The following HAVCR1 variants were observed in gnomAD, a reference collection of about 807,000 sequenced individuals.
The protein encoded by HAVCR1 is hepatitis A virus cellular receptor 1.
Under a neutral mutation model 32.0 loss-of-function variants are expected in HAVCR1, and 34 were observed. The ratio of observed to expected loss-of-function variants is 1.06; its 90% confidence interval spans 0.81 to 1.42. The LOEUF (loss-of-function observed/expected upper bound fraction) is 1.42. HAVCR1 is among the 40% of genes most tolerant of loss of function. The probability of loss-of-function intolerance (pLI) is 0.00; values close to 1 mark genes in which losing one functional copy is unlikely to be tolerated. For synonymous variants in HAVCR1, 178 were observed against 170.3 expected, an observed-to-expected ratio of 1.05 and a Z score of -0.35; for missense variants, 420 against 442.3, an observed-to-expected ratio of 0.95 and a Z score of 0.45.
chr5:157,049,176 A>ATTC, intron 4 of HAVCR1, 31 bp from the exon 5 acceptor site: 1 of 1,348,812 alleles, frequency 7.4e-7, no homozygotes, highest in Non-Finnish European at 1.1e-6. Flanking sequence ...GAATTGTTCC[A>ATTC]TTTGTGGAGG....
rs1754977513 is a variant in HAVCR1, at chr5:157,042,609, A to G, written c.837+18T>C. On this transcript the variant is annotated intron_variant, in intron 6 of 8. Transcript: ENST00000523175. Reference sequence around the variant, plus strand: ...TACAAGTGAATCTGGCTAATCAAATAGGGCGGAATATGCTTACAGTTTGAT... The same window carrying G: ...TACAAGTGAATCTGGCTAATCAAATGGGGCGGAATATGCTTACAGTTTGAT... 1.3e-6 allele frequency: 2 copies of G among 1,513,850 alleles called. No homozygotes were observed. Among genetic ancestry groups the G allele is most frequent in the Non-Finnish European group, 1.8e-6 (2 of 1,092,812 alleles). The allele number at this position is 1,513,850 out of a possible 1,614,324, so 93.8% of individuals were successfully genotyped here.
At chr5:157,065,643 T>G in the HAVCR1 span, among the ~76,000 whole-genome samples, 1 of 152,090 alleles carries the variant, frequency 6.6e-6, no homozygotes, top group Non-Finnish European at 1.5e-5. Context: ...TCACTTGAGG[T>G]CAGGAGTTCC....
At chr5:157,032,961 T>G (rs551458871) in intron 7 of HAVCR1, 74 bp from the exon 8 acceptor site, 2 of 914,414 alleles carry the variant, frequency 2.2e-6, no homozygotes, top group Admixed American at 4.8e-5. Context: ...AATCTTTTTT[T>G]CAATCAAGTG....
At chr5:157,055,591 C>A in intron 2 of HAVCR1, 58 bp from the exon 3 acceptor site, 1 of 1,048,390 alleles carries the variant, frequency 9.5e-7, no homozygotes, top group Non-Finnish European at 1.4e-6. Flanking sequence ...CTTGGCTGGG[C>A]ACAATGGCTC....
At chr5:157,034,265 T>G (rs6896306) in intron 7 of HAVCR1, among the ~76,000 whole-genome samples, 33,336 of 151,484 alleles carry the variant, frequency 0.22, 3,860 homozygotes, top group Middle Eastern at 0.36. Flanking sequence ...GGAAAACATG[T>G]GAGCAAAGGT....
At chr5:157,045,488 C>T (rs1755339731) in intron 5 of HAVCR1, among the ~76,000 whole-genome samples, 2 of 152,196 alleles carry the variant, frequency 1.3e-5, no homozygotes, top group South Asian at 2.1e-4. Flanking sequence ...ATATCATATA[C>T]TCTAATCATT....
At chr5:157,069,375 G>A in the HAVCR1 span, among the ~76,000 whole-genome samples, 6 of 152,232 alleles carry the variant, frequency 3.9e-5, no homozygotes, top group African/African-American at 9.6e-5. Flanking sequence ...GTTAGAAGGC[G>A]GTTTTCCAGC....
chr5:157,051,308 A>G (rs1008318699), intron 4 of HAVCR1, among the ~76,000 whole-genome samples: 3 of 152,212 alleles, frequency 2.0e-5, no homozygotes, highest in Non-Finnish European at 2.9e-5. Flanking sequence ...AATAAATTAA[A>G]GGACCTTTGA....
intron 6 of HAVCR1, among the ~76,000 whole-genome samples, chr5:157,040,381 C>G (rs968070988): frequency 5.9e-5 from 9 of 152,216 alleles, no homozygotes; most frequent in Middle Eastern, 3.4e-3. Flanking sequence ...AGCCACACGT[C>G]AACACATTGA....
chr5:157,034,345 G>T (rs528347931), intron 7 of HAVCR1, among the ~76,000 whole-genome samples: 3 of 151,950 alleles, frequency 2.0e-5, no homozygotes, highest in South Asian at 2.1e-4. Context: ...GTTTATGTTT[G>T]ACTTTACACA....
chr5:157,059,866 G>A (rs189384079), upstream of HAVCR1, among the ~76,000 whole-genome samples: 10 of 152,192 alleles, frequency 6.6e-5, no homozygotes, highest in East Asian at 1.9e-4. Context: ...GTACCTGACC[G>A]TAGTCCCAGC....
At chr5:157,050,618 C>T (rs1387372926) in intron 4 of HAVCR1, among the ~76,000 whole-genome samples, 1 of 152,080 alleles carries the variant, frequency 6.6e-6, no homozygotes, top group African/African-American at 2.4e-5. Flanking sequence ...CAACTTTCTC[C>T]CATATCTCGG....
chr5:157,049,039 T>G lies in HAVCR1; in HGVS notation c.780A>C (p.Thr260=), dbSNP rs369282998. 2 of 1,537,412 alleles carry G rather than the reference T, an allele frequency of 1.3e-6. No homozygotes were observed. Among genetic ancestry groups the G allele is most frequent in the African/African-American group, 2.7e-5 (2 of 73,308 alleles). Residue 260 remains threonine (T), a splice_region_variant and synonymous_variant, in exon 5 of 9, where the codon ACA becomes ACC. Coordinates refer to ENST00000523175, the MANE Select transcript of HAVCR1 (RefSeq NM_001173393.3). ...CTTCAGGAAAGAGAACGCAGTTACC[T>G]GTTGTGTAAGAGTACAATGGTGAGC... The part of the protein sequence containing the change: ...PTSSPLYSYT[T]DGNDTVTESS...
intron 1 of HAVCR1, 159 bp from the exon 2 acceptor site, chr5:157,058,114 AG>A: frequency 1.6e-6 from 1 of 621,006 alleles, no homozygotes; most frequent in Non-Finnish European, 2.9e-6. Flanking sequence ...TAACGGCTTC[AG>A]AGCTCTGTTA....
At chr5:157,066,055 TAAAAAAAAAAAA>T in the HAVCR1 span, among the ~76,000 whole-genome samples, 13 of 66,938 alleles carry the variant, frequency 1.9e-4, no homozygotes, top group Admixed American at 2.8e-3. Flanking sequence ...GACTCCGTCT[TAAAAAAAAAAAA>T]AAAAAAAAAT....
At chr5:157,042,309 G>A (rs1754950380) in intron 6 of HAVCR1, among the ~76,000 whole-genome samples, 1 of 151,964 alleles carries the variant, frequency 6.6e-6, no homozygotes, top group Non-Finnish European at 1.5e-5. Context: ...GGGCATGGTG[G>A]CGGGCGCCTG....
Position 157,029,438 on chromosome 5 carries a change from T to C in HAVCR1, c.*295A>G, listed in dbSNP as rs1754034887. On this transcript the variant is annotated 3_prime_UTR_variant, in exon 9 of 9. Coordinates refer to ENST00000523175, the MANE Select transcript of HAVCR1 (RefSeq NM_001173393.3). ...TTCTCTTTGATGTATACAGGATTTATGGGGTCTAAAAAGAACATACAATTA... is the reference window on the plus strand; with the variant it reads ...TTCTCTTTGATGTATACAGGATTTACGGGGTCTAAAAAGAACATACAATTA... 1 of 627,426 alleles carries C rather than the reference T, an allele frequency of 1.6e-6. No individual in the cohort carries two copies. Among genetic ancestry groups the C allele is most frequent in the Middle Eastern group, 4.2e-4 (1 of 2,386 alleles). The allele number at this position is 627,426 out of a possible 1,614,324, so 38.9% of individuals were successfully genotyped here.
the HAVCR1 span, among the ~76,000 whole-genome samples, chr5:157,068,210 G>T: frequency 3.3e-5 from 5 of 152,074 alleles, no homozygotes; most frequent in Admixed American, 1.3e-4. Context: ...GGAGGTGGAG[G>T]TTGCAGTGAG....
intron 4 of HAVCR1, among the ~76,000 whole-genome samples, chr5:157,051,990 T>A (rs1553319): frequency 0.87 from 132,265 of 152,246 alleles, 57,535 homozygotes; most frequent in East Asian, 0.99. Flanking sequence ...GTGAGGACAC[T>A]ATCTCATTTA....
Sources: allele counts gnomAD v4.1 joint callset (sites outside exome capture counted in the v4.1 genomes callset), GRCh38; gene constraint gnomAD v4.1.1; transcripts MANE v1.5; gene names NCBI Gene and HGNC (gene_info 2026-07-23, HGNC 2026-07-21).